Variants in KRT72 observed in about 807,000 individuals in gnomAD.
The protein encoded by KRT72 is keratin 72, also known as keratin, type II cytoskeletal 72.
In KRT72, 44 loss-of-function variants were observed where a neutral mutation model predicts 44.7. That is an observed-to-expected ratio of 0.98 (90% CI 0.77 to 1.27). KRT72 has a LOEUF of 1.27. Ranked by LOEUF, KRT72 falls within the 50% of genes most tolerant of loss-of-function variation. The pLI, the probability that KRT72 is intolerant of heterozygous loss-of-function variation, is 0.00. For missense variants in KRT72, 736 were observed against 667.1 expected, an observed-to-expected ratio of 1.10 and a Z score of -1.14; for synonymous variants, 302 against 280.4, an observed-to-expected ratio of 1.08 and a Z score of -0.77.
intron 4 of KRT72, among the ~76,000 whole-genome samples, 172 bp from the exon 5 acceptor site, chr12:52,591,800 C>T (rs1940042795): frequency 6.6e-6 from 1 of 152,148 alleles, no homozygotes; most frequent in Non-Finnish European, 1.5e-5. Flanking sequence ...GGCTTTCAGC[C>T]CCAAACGCTG....
intron 7 of KRT72, among the ~76,000 whole-genome samples, chr12:52,587,359 C>T (rs1019022994): frequency 1.3e-5 from 2 of 152,032 alleles, no homozygotes; most frequent in African/African-American, 4.8e-5. Context: ...TCTTGCTCCT[C>T]CCCCCACCCA....
At position 52,587,659 on chromosome 12, in the gene KRT72, G is replaced by C. The variant is rs781275788; in HGVS notation, c.1282C>G (p.Arg428Gly). ...CACTCCTCGCTCTCCAGCAGCTTGC[G>C]GTAGGTGGCGATCTCCATATCCAGG... ...LALDMEIATY[R>G]KLLESEECRM... is the part of the protein sequence containing the mutation. The change falls in exon 7 of 9, where the codon CGC becomes GGC. Residue 428 changes from arginine (R) to glycine (G), a missense_variant. Coordinates refer to ENST00000293745, the MANE Select transcript of KRT72 (RefSeq NM_080747.3). 3.7e-6 allele frequency: 6 copies of C among 1,614,200 alleles called. No individual in the cohort carries two copies. The highest frequency in any genetic ancestry group is 1.3e-5 in the African/African-American group (1 of 75,056).
In KRT72 at chr12:52,591,507, G is replaced by T. The variant is rs777247704; in HGVS notation, c.920C>A (p.Ala307Asp). 2 of 1,614,108 alleles carry T rather than the reference G, an allele frequency of 1.2e-6. No individual in the cohort carries two copies. The highest frequency in any genetic ancestry group is 3.3e-5 in the Admixed American group (2 of 60,028). Residue 307 changes from alanine to aspartate, a missense_variant, in exon 5 of 9, where the codon GCC becomes GAC. Physicochemically the swap from Ala to Asp is moderately radical, Grantham distance 126 (BLOSUM62 -2). Coordinates refer to ENST00000293745, the MANE Select transcript of KRT72 (RefSeq NM_080747.3). ...CTCAGCCTCGGCCTTGCTCTTTAGGGCAATCTCCTCGTACTGGGCACGGAC... is the reference window on the plus strand; with the variant it reads ...CTCAGCCTCGGCCTTGCTCTTTAGGTCAATCTCCTCGTACTGGGCACGGAC... ...AEVRAQYEEI[A>D]LKSKAEAETL...
At chr12:52,591,346 G>A in intron 5 of KRT72, 118 bp downstream of exon 5, 1 of 1,112,056 alleles carries the variant, frequency 9.0e-7, no homozygotes, top group Non-Finnish European at 1.3e-6. Flanking sequence ...AGGAGGTCTT[G>A]ACTGAGCCCA....
chr12:52,597,125 C>T (rs1940252659), intron 2 of KRT72, among the ~76,000 whole-genome samples: 1 of 152,164 alleles, frequency 6.6e-6, no homozygotes, highest in Admixed American at 6.5e-5. Context: ...AATGGGAACA[C>T]ACATAATACG....
upstream of KRT72, among the ~76,000 whole-genome samples, chr12:52,602,328 T>C (rs143288850): frequency 2.6e-4 from 40 of 152,312 alleles, no homozygotes; most frequent in African/African-American, 9.6e-4. Flanking sequence ...CTCAGGTCAT[T>C]TGCCACCCAG....
At chr12:52,593,769 G>A (rs1210564458) in intron 2 of KRT72, among the ~76,000 whole-genome samples, 1 of 152,122 alleles carries the variant, frequency 6.6e-6, no homozygotes, top group Non-Finnish European at 1.5e-5. Flanking sequence ...TCACAAAAAA[G>A]ACAAATATTC....
At position 52,599,074 on chromosome 12, in the gene KRT72, G is replaced by A. The variant is rs775789816; in HGVS notation, c.465C>T (p.Thr155=). Residue 155 remains threonine, a synonymous_variant, in exon 2 of 9, where the codon ACC becomes ACT. Coordinates refer to ENST00000293745, the MANE Select transcript of KRT72 (RefSeq NM_080747.3). The part of the protein sequence containing the change: ...FLEQQNQVLE[T]KWNLLQQLDL... ...CCAGCTGCTGTAGGAGGTTCCACTT[G>A]GTCTCTAGCACCTGATTCTGCTGCT... The A allele has an allele frequency of 3.1e-6, 5 of 1,614,010 alleles. No individual in the cohort carries two copies. The South Asian group carries it at 5.5e-5, about 18-fold the overall frequency.
chr12:52,601,721 C>A (rs1410326937), upstream of KRT72, among the ~76,000 whole-genome samples: 1 of 152,098 alleles, frequency 6.6e-6, no homozygotes, highest in African/African-American at 2.4e-5. Context: ...CTTGGCTCAC[C>A]TCCTGCATTA....
rs116941214 is a variant in KRT72, at chr12:52,601,206, C to T, written c.247G>A (p.Gly83Arg). ...ACGGAGGGACACTTGGGCCCCAGCC[C>T]GGCGCTGCCGAAGGCGGTGCCCACG... Reference protein sequence around the residue: ...GFVGTAFGSAGLGPKCPSVCP... With the variant: ...GFVGTAFGSARLGPKCPSVCP... The change falls in exon 1 of 9, where the codon GGG becomes AGG. Residue 83 changes from glycine to arginine, a missense_variant. Physicochemically the swap from Gly to Arg is moderately radical, Grantham distance 125. Transcript: ENST00000293745. 4.8e-4 allele frequency: 776 copies of T among 1,610,322 alleles called. 2 individuals carry two copies. In the East Asian group the frequency reaches 0.016, roughly 33 times the overall value.
upstream of KRT72, among the ~76,000 whole-genome samples, chr12:52,602,024 C>T (rs1241085759): frequency 1.3e-5 from 2 of 152,176 alleles, no homozygotes; most frequent in Non-Finnish European, 2.9e-5. Context: ...GAGATTTTGG[C>T]CCCGTCTGCA....
At chr12:52,587,127 G>A (rs531385589) in intron 7 of KRT72, 147 bp from the exon 8 acceptor site, 49 of 707,758 alleles carry the variant, frequency 6.9e-5, no homozygotes, top group East Asian at 3.7e-4. Context: ...ATCCCAGTGC[G>A]ACCCCCACCA....
rs1272722622 is a variant in KRT72 at position 52,601,245 on chromosome 12, GGCC to G, written c.205_207del (p.Gly69del). On this transcript the variant is annotated inframe_deletion, in exon 1 of 9. Transcript: ENST00000293745. ...GCGGTGCCCACGAAGCCGCCCAGGCGGCCGCCGCCCCGCCGTGCAGCAGCGCTG... is the reference window on the plus strand; with the variant it reads ...GCGGTGCCCACGAAGCCGCCCAGGCGGCCGCCCCGCCGTGCAGCAGCGCTG... The G allele has an allele frequency of 3.8e-6, 6 of 1,574,006 alleles. No homozygotes were observed. In the Admixed American group the frequency reaches 5.6e-5, roughly 15 times the overall value.
rs774725571 is a variant in KRT72 at position 52,587,686 on chromosome 12, C to T, written c.1255G>A (p.Ala419Thr). The change falls in exon 7 of 9, where the codon GCC (alanine) becomes ACC (threonine). Residue 419 changes from alanine to threonine, a missense_variant. Transcript: ENST00000293745. ...EYQELVSLKL[A>T]LDMEIATYRK... ...TAGGTGGCGATCTCCATATCCAGGGCCAGCTTCAGGCTCACGAGCTCCTGG... is the reference window on the plus strand; with the variant it reads ...TAGGTGGCGATCTCCATATCCAGGGTCAGCTTCAGGCTCACGAGCTCCTGG... The T allele has an allele frequency of 2.5e-6, 4 of 1,614,090 alleles. No individual in the cohort carries two copies. The Admixed American group carries it at 6.7e-5, about 27-fold the overall frequency.
At chr12:52,593,200 A>G (rs1431301302) in intron 2 of KRT72, among the ~76,000 whole-genome samples, 1 of 152,182 alleles carries the variant, frequency 6.6e-6, no homozygotes, top group East Asian at 1.9e-4. Context: ...TGTGGTTGAG[A>G]TGTCATGCAG....
intron 5 of KRT72, among the ~76,000 whole-genome samples, 169 bp downstream of exon 5, chr12:52,591,295 C>T (rs1484779367): frequency 2.0e-5 from 3 of 152,168 alleles, no homozygotes; most frequent in Non-Finnish European, 4.4e-5. Context: ...ATCTCCCTTA[C>T]CCCTGGGGTG....
In KRT72 at chr12:52,601,148, A is replaced by G. The variant is rs1347642179; in HGVS notation, c.305T>C (p.Val102Ala). The change falls in exon 1 of 9, where the codon GTC becomes GCC. Residue 102 changes from valine (V) to alanine (A), a missense_variant. Physicochemically the swap from Val to Ala is moderately conservative, Grantham distance 64. Transcript: ENST00000293745. Reference sequence around the variant, plus strand: ...GAGCGGGGCCAGGAGGCTCTTGTTGACGGTGACCTGAGGGATGCCCCCGGG... The same window carrying G: ...GAGCGGGGCCAGGAGGCTCTTGTTGGCGGTGACCTGAGGGATGCCCCCGGG... ...CPPGGIPQVTVNKSLLAPLNV... is the reference protein window; with the variant it reads ...CPPGGIPQVTANKSLLAPLNV... 1.2e-6 allele frequency: 2 copies of G among 1,613,432 alleles called. No individual in the cohort carries two copies. The highest frequency in any genetic ancestry group is 1.7e-6 in the Non-Finnish European group (2 of 1,179,764).
Position 52,591,448 on chromosome 12 carries a change from C to T in KRT72, c.963+16G>A, listed in dbSNP as rs915237648. 2 of 1,610,874 alleles carry T rather than the reference C, an allele frequency of 1.2e-6. No homozygotes were observed. Among genetic ancestry groups the T allele is most frequent in the East Asian group, 2.2e-5 (1 of 44,824 alleles). On this transcript the variant is annotated intron_variant, in intron 5 of 8. Transcript: ENST00000293745. The stretch of plus-strand genomic sequence containing the variant: ...GCTGTGGCCAGTGGGACTCAGCACA[C>T]CTGGCACCAGCTCACCTTGGTCTGG...
Position 52,586,949 on chromosome 12 carries a change from T to G in KRT72, c.1342A>C (p.Ile448Leu). ...ACTGAGATCTGCAGATACTTACAGA[T>G]GCTCACAGAATTTGGATATTCGCCA... ...MSGEYPNSVS[I>L]SVISSTNAGA... is the part of the protein sequence containing the mutation. Residue 448 changes from isoleucine (I) to leucine (L), a missense_variant, in exon 8 of 9, where the codon ATC (isoleucine) becomes CTC (leucine). Transcript: ENST00000293745. 6.2e-7 allele frequency: 1 copy of G among 1,613,886 alleles called. No individual in the cohort carries two copies. The highest frequency in any genetic ancestry group is 8.5e-7 in the Non-Finnish European group (1 of 1,179,796).
Sources: allele counts gnomAD v4.1 joint callset (sites outside exome capture counted in the v4.1 genomes callset), GRCh38; gene constraint gnomAD v4.1.1; transcripts MANE v1.5; gene names NCBI Gene and HGNC (gene_info 2026-07-23, HGNC 2026-07-21).